Variants in ENPP6 observed in about 807,000 individuals in gnomAD.
The protein encoded by ENPP6 is ectonucleotide pyrophosphatase/phosphodiesterase 6, also known as glycerophosphocholine cholinephosphodiesterase ENPP6.
Under a neutral mutation model 42.0 loss-of-function variants are expected in ENPP6, and 32 were observed. The observed-to-expected ratio is 0.76, with a 90% confidence interval of 0.58 to 1.02. The LOEUF is 1.02. Among genes scored for constraint, ENPP6 ranks in the 50% least tolerant of loss-of-function variants. The pLI is 0.00. For missense variants in ENPP6, 552 were observed against 566.8 expected, an observed-to-expected ratio of 0.97 and a Z score of 0.27; for synonymous variants, 213 against 216.0, an observed-to-expected ratio of 0.99 and a Z score of 0.12.
intron 1 of ENPP6, among the ~76,000 whole-genome samples, chr4:184,169,795 C>T (rs963582453): frequency 1.3e-5 from 2 of 152,242 alleles, no homozygotes; most frequent in Non-Finnish European, 2.9e-5. Flanking sequence ...TGACTACCTA[C>T]GTTTACCTCT....
intron 1 of ENPP6, among the ~76,000 whole-genome samples, chr4:184,154,809 C>T (rs1490647801): frequency 6.6e-6 from 1 of 152,104 alleles, no homozygotes; most frequent in Admixed American, 6.6e-5. Flanking sequence ...TTGACCAAAA[C>T]TTTCACATTA....
At chr4:184,212,320 G>T (rs1166820705) in intron 1 of ENPP6, among the ~76,000 whole-genome samples, 20 of 150,636 alleles carry the variant, frequency 1.3e-4, no homozygotes, top group Non-Finnish European at 1.2e-4. Flanking sequence ...CAGATGACAT[G>T]ATTGTATATC....
intron 2 of ENPP6, among the ~76,000 whole-genome samples, chr4:184,139,144 C>T (rs936885659): frequency 2.6e-5 from 4 of 152,208 alleles, no homozygotes; most frequent in African/African-American, 9.7e-5. Context: ...AATGGTCTCT[C>T]CACAGTGAAA....
At chr4:184,134,558 A>T (rs1370207298) in intron 2 of ENPP6, among the ~76,000 whole-genome samples, 7 of 152,082 alleles carry the variant, frequency 4.6e-5, no homozygotes, top group Non-Finnish European at 8.8e-5. Flanking sequence ...TTTACGGTCT[A>T]CAGGTTCTCT....
intron 6 of ENPP6, among the ~76,000 whole-genome samples, chr4:184,098,041 C>G (rs1735941140): frequency 6.6e-6 from 1 of 152,250 alleles, no homozygotes; most frequent in East Asian, 1.9e-4. Flanking sequence ...CGTGCCTCAC[C>G]TCCCATGCTT....
chr4:184,120,269 C>T (rs1489278887), intron 3 of ENPP6, among the ~76,000 whole-genome samples: 2 of 152,078 alleles, frequency 1.3e-5, no homozygotes, highest in African/African-American at 4.8e-5. Flanking sequence ...CCTGGTGGCC[C>T]GTGGAAAGAG....
At chr4:184,187,848 T>G (rs1370010923) in intron 1 of ENPP6, among the ~76,000 whole-genome samples, 1 of 152,204 alleles carries the variant, frequency 6.6e-6, no homozygotes. Context: ...TGAGAGATAC[T>G]TCTTGAATAA....
chr4:184,114,828 G>A (rs1421766703), intron 5 of ENPP6, among the ~76,000 whole-genome samples: 3 of 152,042 alleles, frequency 2.0e-5, no homozygotes, highest in African/African-American at 7.2e-5. Context: ...CTGCCAATGT[G>A]TAAAATATTG....
chr4:184,144,005 A>G (rs1402909505), intron 2 of ENPP6, among the ~76,000 whole-genome samples: 1 of 152,210 alleles, frequency 6.6e-6, no homozygotes, highest in Non-Finnish European at 1.5e-5. Context: ...CCTGGATCAG[A>G]CAGCCAAGGG....
intron 2 of ENPP6, among the ~76,000 whole-genome samples, chr4:184,133,626 A>G (rs1362618069): frequency 1.3e-5 from 2 of 151,732 alleles, no homozygotes; most frequent in African/African-American, 4.8e-5. Flanking sequence ...AAAGCTAAAT[A>G]GAAGTCATGC....
At chr4:184,206,254 T>C (rs11732651) in intron 1 of ENPP6, among the ~76,000 whole-genome samples, 357 of 26,748 alleles carry the variant, frequency 0.013, 11 homozygotes, top group African/African-American at 0.051. Flanking sequence ...AGCTTGAATT[T>C]TTTTTTTTTT....
intron 1 of ENPP6, among the ~76,000 whole-genome samples, chr4:184,165,672 A>G (rs1178724894): frequency 1.3e-5 from 2 of 152,240 alleles, no homozygotes; most frequent in Non-Finnish European, 2.9e-5. Flanking sequence ...AGGGATATCA[A>G]CAAAGGAGAT....
intron 2 of ENPP6, among the ~76,000 whole-genome samples, chr4:184,143,545 GTCC>G (rs1478753778): frequency 6.6e-6 from 1 of 152,230 alleles, no homozygotes; most frequent in Non-Finnish European, 1.5e-5. Context: ...ATCAGGCTCT[GTCC>G]TCCTCCCCTT....
intron 3 of ENPP6, among the ~76,000 whole-genome samples, chr4:184,122,650 C>T (rs1026312795): frequency 3.3e-5 from 5 of 152,206 alleles, no homozygotes; most frequent in African/African-American, 7.2e-5. Flanking sequence ...GCTCTGTGCT[C>T]ACCCACCTGT....
At chr4:184,124,319 T>C (rs748460055) in intron 2 of ENPP6, 47 bp from the exon 3 acceptor site, 25 of 1,394,630 alleles carry the variant, frequency 1.8e-5, no homozygotes, top group East Asian at 1.4e-4. Context: ...CAATAAGTAA[T>C]GTCGAGTTAT....
chr4:184,115,989 G>A (rs1736305729), intron 5 of ENPP6, among the ~76,000 whole-genome samples: 1 of 152,126 alleles, frequency 6.6e-6, no homozygotes, highest in African/African-American at 2.4e-5. Context: ...GCCGAGGCAG[G>A]TGGATCACGA....
chr4:184,187,605 T>A (rs992494051), intron 1 of ENPP6, among the ~76,000 whole-genome samples: 1 of 152,214 alleles, frequency 6.6e-6, no homozygotes, highest in African/African-American at 2.4e-5. Context: ...TCAAATTTTA[T>A]CTTATCAGAA....
chr4:184,162,228 T>C (rs998265511), intron 1 of ENPP6, among the ~76,000 whole-genome samples: 3 of 152,140 alleles, frequency 2.0e-5, no homozygotes, highest in Admixed American at 1.3e-4. Context: ...CAAAAGCAGT[T>C]CAGCCCTCCA....
At chr4:184,096,210 C>T (rs1038909462) in intron 7 of ENPP6, among the ~76,000 whole-genome samples, 4 of 152,088 alleles carry the variant, frequency 2.6e-5, no homozygotes, top group African/African-American at 7.2e-5. Context: ...GTAGAGTGAA[C>T]GATGGTAGGC....
Sources: gnomAD v4.1 joint callset for allele counts (sites outside exome capture counted in the v4.1 genomes callset) on GRCh38, gnomAD v4.1.1 for gene constraint, MANE v1.5 for transcripts, NCBI Gene and HGNC (gene_info 2026-07-23, HGNC 2026-07-21) for gene names.